BCR: variants seen among roughly 807,000 people sequenced by gnomAD.
The protein encoded by BCR is breakpoint cluster region protein.
In BCR, 58 loss-of-function variants were observed where a neutral mutation model predicts 138.6. That is an observed-to-expected ratio of 0.42 (90% confidence interval 0.34 to 0.52). BCR has a LOEUF of 0.52. Among genes scored for constraint, BCR ranks in the 20% least tolerant of loss-of-function variants. BCR has a pLI of 0.06. For missense variants in BCR, 1,599 were observed against 1,727.2 expected, an observed-to-expected ratio of 0.93 and a Z score of 1.32; for synonymous variants, 786 against 730.1, an observed-to-expected ratio of 1.08 and a Z score of -1.23.
intron 20 of BCR, among the ~76,000 whole-genome samples, chr22:23,313,385 C>T (rs1031853161): frequency 6.6e-6 from 1 of 152,210 alleles, no homozygotes; most frequent in African/African-American, 2.4e-5. Flanking sequence ...CAAACATGAC[C>T]TGACCCTTAG....
intron 19 of BCR, chr22:23,312,273 C>T (rs180802): frequency 5.3e-6 from 1 of 187,946 alleles, no homozygotes; most frequent in East Asian, 1.3e-4. Flanking sequence ...GTCACAAATG[C>T]CAGGGGAGGG....
At position 23,181,567 on chromosome 22, in the gene BCR, C is replaced by T. The variant is rs1302847745; in HGVS notation, c.607C>T (p.Leu203=). The change falls in exon 1 of 23, where the codon CTG becomes TTG. Residue 203 remains leucine, a synonymous_variant. Coordinates refer to ENST00000305877, the MANE Select transcript of BCR (RefSeq NM_004327.4). ...DKEVSDRISS[L]GSQAMQMERK... ...AGAGGTGTCGGACCGCATCAGCTCC[C>T]TGGGCAGCCAGGCCATGCAGATGGA... The T allele has an allele frequency of 3.7e-6, 6 of 1,612,880 alleles. No homozygotes were observed. Among genetic ancestry groups the T allele is most frequent in the Non-Finnish European group, 5.1e-6 (6 of 1,180,008 alleles).
At chr22:23,312,097 T>C (rs2074014223) in intron 19 of BCR, among the ~76,000 whole-genome samples, 1 of 152,244 alleles carries the variant, frequency 6.6e-6, no homozygotes, top group Non-Finnish European at 1.5e-5. Context: ...CTTCCTGCCT[T>C]GGGGTTGGAC....
rs2074013255 is a variant in BCR, at chr22:23,311,991, T to C, written c.3322+155T>C. The C allele has an allele frequency of 9.3e-6, 13 of 1,397,050 alleles. No homozygotes were observed. The East Asian group carries it at 3.3e-4, about 35-fold the overall frequency. 86.5% of individuals were successfully genotyped at this position (1,397,050 alleles called of 1,614,324 possible). A position where few individuals can be genotyped will look rare whatever the true frequency, so the allele number is the denominator to read the frequency against. On this transcript the variant is annotated intron_variant, in intron 19 of 22. Coordinates refer to ENST00000305877, the MANE Select transcript of BCR (RefSeq NM_004327.4). ...ATTTTTAAAAAAGAGAAGACAAGAG[T>C]TGTAGAAAAAGCCTCTGTAGAAACC...
At chr22:23,218,254 A>C (rs1351083501) in intron 1 of BCR, among the ~76,000 whole-genome samples, 1 of 152,182 alleles carries the variant, frequency 6.6e-6, no homozygotes, top group African/African-American at 2.4e-5. Context: ...GAGCTGGGTA[A>C]GCATCTGGGG....
chr22:23,195,296 T>C (rs1194707271), intron 1 of BCR, among the ~76,000 whole-genome samples: 1 of 151,928 alleles, frequency 6.6e-6, no homozygotes, highest in Non-Finnish European at 1.5e-5. Flanking sequence ...GGCACATGCC[T>C]GTAATCCCAG....
intron 16 of BCR, 81 bp from the exon 17 acceptor site, chr22:23,309,343 A>G: frequency 9.3e-7 from 1 of 1,075,638 alleles, no homozygotes; most frequent in Non-Finnish European, 1.4e-6. Flanking sequence ...GGGTTGGGGA[A>G]GTGGCGGGTG....
chr22:23,236,394 G>C (rs1427101926), intron 1 of BCR, among the ~76,000 whole-genome samples: 1 of 152,182 alleles, frequency 6.6e-6, no homozygotes, highest in Admixed American at 6.5e-5. Context: ...AGACCTCTTT[G>C]GAAGGGGCTC....
chr22:23,189,152 G>T (rs1287046264), intron 1 of BCR, among the ~76,000 whole-genome samples: 13 of 152,152 alleles, frequency 8.5e-5, no homozygotes, highest in Admixed American at 7.9e-4. Flanking sequence ...GAGCCACTGC[G>T]CCCGGCTAAA....
intron 1 of BCR, among the ~76,000 whole-genome samples, chr22:23,229,086 A>G (rs571455300): frequency 3.5e-4 from 53 of 151,946 alleles, no homozygotes; most frequent in Non-Finnish European, 6.5e-4. Flanking sequence ...TTTAGATTGG[A>G]TAATTTCTAT....
chr22:23,226,257 C>G (rs572278755), intron 1 of BCR, among the ~76,000 whole-genome samples: 2 of 152,140 alleles, frequency 1.3e-5, no homozygotes, highest in Admixed American at 1.3e-4. Flanking sequence ...AAATATCCTT[C>G]CCATGGGGCC....
At chr22:23,205,253 A>G (rs979908486) in intron 1 of BCR, among the ~76,000 whole-genome samples, 55 of 152,142 alleles carry the variant, frequency 3.6e-4, no homozygotes, top group Admixed American at 3.6e-3. Context: ...TAAGGACAGG[A>G]AGGATACCGG....
At chr22:23,231,391 A>G (rs1268086061) in intron 1 of BCR, among the ~76,000 whole-genome samples, 1 of 152,030 alleles carries the variant, frequency 6.6e-6, no homozygotes, top group African/African-American at 2.4e-5. Flanking sequence ...CTGTAGTCCC[A>G]GCTATTCAGG....
intron 8 of BCR, chr22:23,283,062 G>A (rs1020271311): frequency 6.6e-6 from 1 of 152,370 alleles, no homozygotes; most frequent in Middle Eastern, 3.4e-3. Flanking sequence ...TGGTCCCAGC[G>A]TGGGGAAGGC....
rs539170969 is a variant in BCR at position 23,258,949 on chromosome 22, G to A, written c.1462-2001G>A. 1.8e-4 allele frequency among the ~76,000 whole-genome samples: 26 copies of A among 144,426 alleles called. No individual in the cohort carries two copies. In the East Asian group the frequency reaches 3.8e-3, roughly 21 times the overall value. The allele number at this position is 144,426 out of a possible 152,430, so 94.7% of individuals were successfully genotyped here. On this transcript the variant is annotated intron_variant, in intron 2 of 22. Coordinates refer to ENST00000305877, the MANE Select transcript of BCR (RefSeq NM_004327.4). ...GGACCTGGCACCACCCCCACCCCCCGCACCCACACACTTTCCTCTGACTGC... is the reference window on the plus strand; with the variant it reads ...GGACCTGGCACCACCCCCACCCCCCACACCCACACACTTTCCTCTGACTGC...
At chr22:23,236,821 C>T (rs2073031561) in intron 1 of BCR, among the ~76,000 whole-genome samples, 1 of 152,232 alleles carries the variant, frequency 6.6e-6, no homozygotes. Flanking sequence ...CAGGAATCAG[C>T]CTTGTTCTCT....
At chr22:23,213,415 G>A (rs531276303) in intron 1 of BCR, among the ~76,000 whole-genome samples, 1 of 152,314 alleles carries the variant, frequency 6.6e-6, no homozygotes, top group South Asian at 2.1e-4. Context: ...CAGCAGCTAT[G>A]GGCTCAAATT....
chr22:23,314,207 C>T (rs1331123556), intron 21 of BCR, 134 bp downstream of exon 21: 16 of 727,902 alleles, frequency 2.2e-5, no homozygotes, highest in Non-Finnish European at 3.0e-5. Context: ...CTGCCTTTGG[C>T]GACTAGTGCC....
At chr22:23,199,088 C>T (rs1021531548) in intron 1 of BCR, 7 of 316,506 alleles carry the variant, frequency 2.2e-5, no homozygotes, top group South Asian at 4.9e-5. Flanking sequence ...CACCATTGCA[C>T]GCCAGCCAAG....
Sources: gnomAD v4.1 joint callset for allele counts (sites outside exome capture counted in the v4.1 genomes callset) on GRCh38, gnomAD v4.1.1 for gene constraint, MANE v1.5 for transcripts, NCBI Gene and HGNC (gene_info 2026-07-23, HGNC 2026-07-21) for gene names.